TRIR: variants seen among roughly 807,000 people sequenced by gnomAD.
TRIR encodes telomerase RNA component interacting RNase, also known as telomerase RNA component-interacting RNase.
A neutral mutation model predicts 18.2 loss-of-function variants in TRIR; 5 were observed. The observed-to-expected ratio is 0.27, with a 90% CI of 0.14 to 0.58. The LOEUF (loss-of-function observed/expected upper bound fraction) is 0.58. TRIR is among the 20% of genes least tolerant of loss of function. The probability of loss-of-function intolerance (pLI) is 0.91; values close to 1 mark genes in which losing one functional copy is unlikely to be tolerated. For missense variants in TRIR, 206 were observed against 252.8 expected (o/e 0.81, Z 1.25); for synonymous variants, 134 against 114.4 (o/e 1.17, Z -1.10).
Position 12,734,559 on chromosome 19 carries a change from C to G in TRIR, c.99G>C (p.Ser33=), listed in dbSNP as rs1215183857. Residue 33 remains serine, a synonymous_variant, in exon 1 of 3, where the codon TCG becomes TCC. Transcript: ENST00000242784. This position sits in a 1 kb window ranked among gnomAD's most constrained non-coding sequence, Gnocchi z 4.1. ...CGTCCCCGCTCTCGGGCGACGTCCC[C>G]GATCCCGACTCAGCCCAACGGCTCC... The part of the protein sequence containing the change: ...GGGSRWAESG[S]GTSPESGDEE... The G allele has an allele frequency of 1.3e-6, 2 of 1,530,974 alleles. No homozygotes were observed. The highest frequency in any genetic ancestry group is 2.8e-5 in the African/African-American group (2 of 71,018). The allele number at this position is 1,530,974 out of a possible 1,614,324, so 94.8% of individuals were successfully genotyped here.
rs1967428720 is a variant in TRIR at position 12,731,564 on chromosome 19, A to G, written c.346-143T>C. The G allele has an allele frequency of 4.7e-6, 4 of 844,568 alleles. No homozygotes were observed. Among genetic ancestry groups the G allele is most frequent in the Admixed American group, 5.7e-5 (2 of 34,920 alleles). The allele number at this position is 844,568 out of a possible 1,614,324, so 52.3% of individuals were successfully genotyped here. On this transcript the variant is annotated intron_variant, in intron 1 of 2. Coordinates refer to ENST00000242784, the MANE Select transcript of TRIR (RefSeq NM_024038.4). The surrounding 1 kb of genome is among the most constrained non-coding windows in gnomAD (Gnocchi z 5.1). ...GCTCCGCCAGCCGGCCGACCTGCGC[A>G]GCAATCAGAGAGGAGCACACGCGAC...
At position 12,731,659 on chromosome 19, in the gene TRIR, GCT is replaced by G. The variant is rs1165678817; in HGVS notation, c.346-240_346-239del. The G allele has an allele frequency of 5.5e-6, 3 of 549,456 alleles. No individual in the cohort carries two copies. The African/African-American group carries it at 5.8e-5, about 11-fold the overall frequency. 34.0% of individuals were successfully genotyped at this position (549,456 alleles called of 1,614,324 possible). A position where few individuals can be genotyped will look rare whatever the true frequency, so the allele number is the denominator to read the frequency against. On this transcript the variant is annotated intron_variant, in intron 1 of 2. Coordinates refer to ENST00000242784, the MANE Select transcript of TRIR (RefSeq NM_024038.4). The surrounding 1 kb of genome is among the most constrained non-coding windows in gnomAD (Gnocchi z 5.1). ...AGAGTGTCCACCTCAGTAGGGACCA[GCT>G]CTGTTCTCACTTTCCACGCCAAGGC...
At chr19:12,733,131 A>T (rs1967466111) in intron 1 of TRIR, among the ~76,000 whole-genome samples, 1 of 151,674 alleles carries the variant, frequency 6.6e-6, no homozygotes, top group Admixed American at 6.6e-5. Flanking sequence ...CTGGTCTCCA[A>T]CTCCTGGGCT....
intron 1 of TRIR, among the ~76,000 whole-genome samples, chr19:12,733,361 G>A (rs1463515203): frequency 6.6e-6 from 1 of 152,166 alleles, no homozygotes; most frequent in African/African-American, 2.4e-5. Context: ...TAACACCACA[G>A]ACATGGCAAG....
rs1967499039 is a variant in TRIR at position 12,734,544 on chromosome 19, C to G, written c.114G>C (p.Glu38Asp). Residue 38 changes from glutamate (E) to aspartate (D), a missense_variant, in exon 1 of 3, where the codon GAG becomes GAC. Transcript: ENST00000242784. The surrounding 1 kb of genome is among the most constrained non-coding windows in gnomAD (Gnocchi z 4.1). ...WAESGSGTSP[E>D]SGDEEVSGAG... ...CGCCCGACACCTCCTCGTCCCCGCTCTCGGGCGACGTCCCCGATCCCGACT... is the reference window on the plus strand; with the variant it reads ...CGCCCGACACCTCCTCGTCCCCGCTGTCGGGCGACGTCCCCGATCCCGACT... 6 of 1,533,244 alleles carry G rather than the reference C, an allele frequency of 3.9e-6. No individual in the cohort carries two copies. Among genetic ancestry groups the G allele is most frequent in the Non-Finnish European group, 5.2e-6 (6 of 1,143,672 alleles). 95.0% of individuals were successfully genotyped at this position (1,533,244 alleles called of 1,614,324 possible).
chr19:12,734,668 G>A lies in TRIR; in HGVS notation c.-11C>T. ...CCCTCGGGCAGCCATTTTGTCGCCA[G>A]GTGCCGCGCAAAGGACTCCGGGAAG... On this transcript the variant is annotated 5_prime_UTR_variant, in exon 1 of 3. Transcript: ENST00000242784. The surrounding 1 kb of genome is among the most constrained non-coding windows in gnomAD (Gnocchi z 4.1). The A allele has an allele frequency of 6.7e-7, 1 of 1,500,134 alleles. No individual in the cohort carries two copies. The highest frequency in any genetic ancestry group is 8.8e-7 in the Non-Finnish European group (1 of 1,133,596). The allele number at this position is 1,500,134 out of a possible 1,614,324, so 92.9% of individuals were successfully genotyped here.
chr19:12,732,894 G>A (rs1042944393), intron 1 of TRIR, among the ~76,000 whole-genome samples: 1 of 151,740 alleles, frequency 6.6e-6, no homozygotes, highest in African/African-American at 2.4e-5. Context: ...CTGGCCTGCT[G>A]GGATTATTTC....
intron 1 of TRIR, among the ~76,000 whole-genome samples, chr19:12,732,435 C>T (rs1273270747): frequency 1.3e-5 from 2 of 152,148 alleles, no homozygotes; most frequent in South Asian, 2.1e-4. Flanking sequence ...CTGGTCCTGA[C>T]GCTTTTCCTT....
Position 12,734,259 on chromosome 19 carries a change from C to T in TRIR, c.345+54G>A, listed in dbSNP as rs950303001. On this transcript the variant is annotated intron_variant, in intron 1 of 2. Coordinates refer to ENST00000242784, the MANE Select transcript of TRIR (RefSeq NM_024038.4). The surrounding 1 kb of genome is among the most constrained non-coding windows in gnomAD (Gnocchi z 4.1). ...CCCGATCCCCCTTCACGGGCCCCGA[C>T]TCCCGCTGCCAAGACAGGCCGTGGC... is the stretch of plus-strand genomic sequence containing the variant. 27 of 1,368,834 alleles carry T rather than the reference C, an allele frequency of 2.0e-5. No homozygotes were observed. Among genetic ancestry groups the T allele is most frequent in the Non-Finnish European group, 2.4e-5 (25 of 1,060,618 alleles). 84.8% of individuals were successfully genotyped at this position (1,368,834 alleles called of 1,614,324 possible).
rs1183604204 is a variant in TRIR at position 12,731,401 on chromosome 19, C to T, written c.366G>A (p.Gly122=). 6.2e-7 allele frequency: 1 copy of T among 1,613,742 alleles called. No individual in the cohort carries two copies. Among genetic ancestry groups the T allele is most frequent in the Admixed American group, 1.7e-5 (1 of 59,996 alleles). Residue 122 remains glycine, a synonymous_variant, in exon 2 of 3, where the codon GGG becomes GGA. Coordinates refer to ENST00000242784, the MANE Select transcript of TRIR (RefSeq NM_024038.4). The surrounding 1 kb of genome is among the most constrained non-coding windows in gnomAD (Gnocchi z 5.1). ...TTCCCGTCTTGAGGGCTAGTTTGTT[C>T]CCGCCTCTGCGTTTGCCCACCTGGG... The part of the protein sequence containing the change: ...TLSFVGKRRG[G]NKLALKTGIV...
chr19:12,733,871 G>A (rs1301620984), intron 1 of TRIR, among the ~76,000 whole-genome samples: 1 of 152,172 alleles, frequency 6.6e-6, no homozygotes. Context: ...GAGGTTGGTC[G>A]AATAAGATAC....
Position 12,731,459 on chromosome 19 carries a change from G to T in TRIR, c.346-38C>A. 1 of 1,589,656 alleles carries T rather than the reference G, an allele frequency of 6.3e-7. No homozygotes were observed. Among genetic ancestry groups the T allele is most frequent in the Non-Finnish European group, 8.6e-7 (1 of 1,165,300 alleles). On this transcript the variant is annotated intron_variant, in intron 1 of 2. Coordinates refer to ENST00000242784, the MANE Select transcript of TRIR (RefSeq NM_024038.4). The surrounding 1 kb of genome is among the most constrained non-coding windows in gnomAD (Gnocchi z 5.1). Reference sequence around the variant, plus strand: ...ACAGAAGACTGCAACGGTTACAGGAGCCGGGACCGCCCTTGGCGGCGCTGA... The same window carrying T: ...ACAGAAGACTGCAACGGTTACAGGATCCGGGACCGCCCTTGGCGGCGCTGA...
chr19:12,734,602 G>T lies in TRIR; in HGVS notation c.56C>A (p.Ala19Glu), dbSNP rs750125206. ...ACGGCTCCCGCCACCGCCACCGCCC[G>T]CGGGGCCCGGAGCCTCCCGGCCCTG... ...EPQGREAPGP[A>E]GGGGGGSRWA... is the part of the protein sequence containing the mutation. The change falls in exon 1 of 3, where the codon GCG becomes GAG. Residue 19 changes from alanine (A) to glutamate (E), a missense_variant. Physicochemically the swap from Ala to Glu is moderately radical, Grantham distance 107. This residue lies in a region of TRIR where 172 missense variants were observed against 165.0 expected (regional missense o/e 1.04). Coordinates refer to ENST00000242784, the MANE Select transcript of TRIR (RefSeq NM_024038.4). This position sits in a 1 kb window ranked among gnomAD's most constrained non-coding sequence, Gnocchi z 4.1. 5.3e-6 allele frequency: 8 copies of T among 1,519,150 alleles called. No individual in the cohort carries two copies. The highest frequency in any genetic ancestry group is 7.0e-6 in the Non-Finnish European group (8 of 1,139,558). The allele number at this position is 1,519,150 out of a possible 1,614,324, so 94.1% of individuals were successfully genotyped here. A position where few individuals can be genotyped will look rare whatever the true frequency, so the allele number is the denominator to read the frequency against.
chr19:12,731,111 C>CAGGG lies in TRIR; in HGVS notation c.424-47_424-44dup. 6.5e-7 allele frequency: 1 copy of CAGGG among 1,540,286 alleles called. No individual in the cohort carries two copies. Among genetic ancestry groups the CAGGG allele is most frequent in the Admixed American group, 1.7e-5 (1 of 59,894 alleles). On this transcript the variant is annotated intron_variant, in intron 2 of 2. Coordinates refer to ENST00000242784, the MANE Select transcript of TRIR (RefSeq NM_024038.4). The surrounding 1 kb of genome is among the most constrained non-coding windows in gnomAD (Gnocchi z 5.1). ...GGGTTAGGACGGGGGTGCCAGGAAC[C>CAGGG]AGGGTCAGGACTGCCCTGAGACAGG... is the stretch of plus-strand genomic sequence containing the variant.
rs887009508 is a variant in TRIR at position 12,731,684 on chromosome 19, G to C, written c.346-263C>G. 1.9e-6 allele frequency: 1 copy of C among 513,988 alleles called. No homozygotes were observed. 31.8% of individuals were successfully genotyped at this position (513,988 alleles called of 1,614,324 possible). A position where few individuals can be genotyped will look rare whatever the true frequency, so the allele number is the denominator to read the frequency against. The stretch of plus-strand genomic sequence containing the variant: ...GCTCTGTTCTCACTTTCCACGCCAA[G>C]GCCTCACCCTCCCTAGCAGGGACCA... On this transcript the variant is annotated intron_variant, in intron 1 of 2. Coordinates refer to ENST00000242784, the MANE Select transcript of TRIR (RefSeq NM_024038.4). This position sits in a 1 kb window ranked among gnomAD's most constrained non-coding sequence, Gnocchi z 5.1.
Position 12,731,505 on chromosome 19 carries a change from CCCGGCCTGGTG to C in TRIR, c.346-95_346-85del. 6.9e-7 allele frequency: 1 copy of C among 1,442,506 alleles called. No individual in the cohort carries two copies. Among genetic ancestry groups the C allele is most frequent in the Non-Finnish European group, 9.4e-7 (1 of 1,064,812 alleles). 89.4% of individuals were successfully genotyped at this position (1,442,506 alleles called of 1,614,324 possible). A position where few individuals can be genotyped will look rare whatever the true frequency, so the allele number is the denominator to read the frequency against. On this transcript the variant is annotated intron_variant, in intron 1 of 2. Coordinates refer to ENST00000242784, the MANE Select transcript of TRIR (RefSeq NM_024038.4). This position sits in a 1 kb window ranked among gnomAD's most constrained non-coding sequence, Gnocchi z 5.1. Reference sequence around the variant, plus strand: ...GCTGAGGCCCACTACACCTTCCTAGCCCGGCCTGGTGGCCCGTCCTGACGCCGCGCCCAGCT... The same window carrying C: ...GCTGAGGCCCACTACACCTTCCTAGCGCCCGTCCTGACGCCGCGCCCAGCT...
rs1599439876 is a variant in TRIR at position 12,731,079 on chromosome 19, G to A, written c.424-11C>T. 1 of 1,609,326 alleles carries A rather than the reference G, an allele frequency of 6.2e-7. No homozygotes were observed. The highest frequency in any genetic ancestry group is 1.1e-5 in the South Asian group (1 of 90,962). On this transcript the variant is annotated splice_polypyrimidine_tract_variant and intron_variant, in intron 2 of 2. Coordinates refer to ENST00000242784, the MANE Select transcript of TRIR (RefSeq NM_024038.4). The surrounding 1 kb of genome is among the most constrained non-coding windows in gnomAD (Gnocchi z 5.1). ...TTTACTTGTTAATACCTGTGGAAAG[G>A]GGATACGGGTTAGGACGGGGGTGCC...
rs765918313 is a variant in TRIR, at chr19:12,734,621, G to A, written c.37C>T (p.Arg13Trp). 3 of 1,514,556 alleles carry A rather than the reference G, an allele frequency of 2.0e-6. No homozygotes were observed. Among genetic ancestry groups the A allele is most frequent in the South Asian group, 1.2e-5 (1 of 81,728 alleles). 93.8% of individuals were successfully genotyped at this position (1,514,556 alleles called of 1,614,324 possible). The change falls in exon 1 of 3, where the codon CGG becomes TGG. Residue 13 changes from arginine (R) to tryptophan (W), a missense_variant. By Grantham distance (101) the Arg-to-Trp change is moderately radical. This residue lies in a region of TRIR where 172 missense variants were observed against 165.0 expected (regional missense o/e 1.04). Coordinates refer to ENST00000242784, the MANE Select transcript of TRIR (RefSeq NM_024038.4). The surrounding 1 kb of genome is among the most constrained non-coding windows in gnomAD (Gnocchi z 4.1). ...ARGRRAEPQG[R>W]EAPGPAGGGG... ...CCGCCCGCGGGGCCCGGAGCCTCCC[G>A]GCCCTGAGGCTCCGCCCGTCTCCCT...
Position 12,731,206 on chromosome 19 carries a change from G to C in TRIR, c.423+138C>G. ...AAGATTATAAAGTCAAGTTATCTGG[G>C]GACCCATTGACAGCCCTCCTACCCT... On this transcript the variant is annotated intron_variant, in intron 2 of 2. Transcript: ENST00000242784. This position sits in a 1 kb window ranked among gnomAD's most constrained non-coding sequence, Gnocchi z 5.1. The C allele has an allele frequency of 7.9e-7, 1 of 1,261,700 alleles. No homozygotes were observed. The highest frequency in any genetic ancestry group is 1.2e-6 in the Non-Finnish European group (1 of 867,400). 78.2% of individuals were successfully genotyped at this position (1,261,700 alleles called of 1,614,324 possible).
Sources: allele counts gnomAD v4.1 joint callset (sites outside exome capture counted in the v4.1 genomes callset), GRCh38; gene constraint gnomAD v4.1.1; regional missense constraint gnomAD v4.1.1; non-coding constraint Gnocchi (gnomAD v3.1); transcripts MANE v1.5; gene names NCBI Gene and HGNC (gene_info 2026-07-23, HGNC 2026-07-21).